MUC22: variants seen among roughly 807,000 people sequenced by gnomAD.
The protein encoded by MUC22 is mucin-22.
MUC22 carries 24 observed loss-of-function variants against 40.3 expected under a neutral mutation model. The ratio of observed to expected loss-of-function variants is 0.60; its 90% CI spans 0.43 to 0.84. MUC22 has a LOEUF of 0.84. Among genes scored for constraint, MUC22 ranks in the 40% least tolerant of loss-of-function variants. The pLI, the probability that MUC22 is intolerant of heterozygous loss-of-function variation, is 0.00. For missense variants in MUC22, 1,926 were observed against 2,130.7 expected (o/e 0.90, Z 1.89); for synonymous variants, 765 against 844.5 (o/e 0.91, Z 1.63).
At chr6:31,015,147 A>T (rs1443719752) in intron 1 of MUC22, among the ~76,000 whole-genome samples, 1 of 152,164 alleles carries the variant, frequency 6.6e-6, no homozygotes, top group Non-Finnish European at 1.5e-5. Context: ...TAAGGCAGAT[A>T]AATATTGTTT....
At chr6:31,030,646 A>G (rs1765996604) in intron 2 of MUC22, among the ~76,000 whole-genome samples, 2 of 151,898 alleles carry the variant, frequency 1.3e-5, no homozygotes, top group Middle Eastern at 3.4e-3. Context: ...CAAGTGCATC[A>G]TATCTGTCAC....
At chr6:31,010,994 C>T (rs1288817264) in intron 1 of MUC22, among the ~76,000 whole-genome samples, 1 of 150,374 alleles carries the variant, frequency 6.7e-6, no homozygotes, top group Non-Finnish European at 1.5e-5. Flanking sequence ...CTGTATTAGT[C>T]TCCCCCAGCT....
At chr6:31,026,536 G>A in exon 2 of MUC22, 2 of 1,500,374 alleles carry the variant, frequency 1.3e-6, no homozygotes, top group East Asian at 2.5e-5. Context: ...GACCACCATG[G>A]TCTCTGCCAT....
At position 31,025,618 on chromosome 6, in the gene MUC22, T is replaced by C. The variant is rs1163906491; in HGVS notation, c.187T>C (p.Ser63Pro). 4 of 1,520,434 alleles carry C rather than the reference T, an allele frequency of 2.6e-6. No homozygotes were observed. The South Asian group carries it at 3.6e-5, about 14-fold the overall frequency. The allele number at this position is 1,520,434 out of a possible 1,614,324, so 94.2% of individuals were successfully genotyped here. A position where few individuals can be genotyped will look rare whatever the true frequency, so the allele number is the denominator to read the frequency against. The stretch of plus-strand genomic sequence containing the variant: ...CTCTACTTCGGCCTTAACTACAGGC[T>C]CTAAGATCACCACAGACTCTACCAC... Residue 63 changes from serine to proline, a missense_variant, in exon 2 of 4, where the codon TCT (serine) becomes CCT (proline). By Grantham distance (74) the Ser-to-Pro change is moderately conservative. Transcript: ENST00000561890.
At chr6:31,019,134 T>C (rs1764485227) in intron 1 of MUC22, among the ~76,000 whole-genome samples, 1 of 152,248 alleles carries the variant, frequency 6.6e-6, no homozygotes, top group African/African-American at 2.4e-5. Flanking sequence ...AAGTCTAATA[T>C]TTCCAACTTC....
Position 31,011,351 on chromosome 6 carries a change from G to A in MUC22, c.70+575G>A, listed in dbSNP as rs546145499. On this transcript the variant is annotated intron_variant, in intron 1 of 3. Transcript: ENST00000561890. The surrounding 1 kb of genome is among the most constrained non-coding windows in gnomAD (Gnocchi z 4.5). ...GTCTTTTATCTCTCGTGCCTCCCCCGTCCTTCCTCCCTAGTGCCCAAAGTC... is the reference window on the plus strand; with the variant it reads ...GTCTTTTATCTCTCGTGCCTCCCCCATCCTTCCTCCCTAGTGCCCAAAGTC... 6.6e-6 allele frequency among the ~76,000 whole-genome samples: 1 copy of A among 151,872 alleles called. No homozygotes were observed. The highest frequency in any genetic ancestry group is 2.1e-4 in the South Asian group (1 of 4,824).
chr6:31,028,413 C>A, exon 2 of MUC22: 1 of 1,531,714 alleles, frequency 6.5e-7, no homozygotes, highest in Admixed American at 2.0e-5. Flanking sequence ...GCTCCGAGAC[C>A]ACCACAGCCT....
chr6:31,030,355 A>C (rs1765964600), intron 2 of MUC22, among the ~76,000 whole-genome samples: 1 of 152,008 alleles, frequency 6.6e-6, no homozygotes, highest in African/African-American at 2.4e-5. Flanking sequence ...GTCTCTACTA[A>C]AAATACAAAA....
At chr6:31,019,351 G>C (rs1764501032) in intron 1 of MUC22, among the ~76,000 whole-genome samples, 1 of 152,184 alleles carries the variant, frequency 6.6e-6, no homozygotes, top group African/African-American at 2.4e-5. Context: ...CCTAGTTCAA[G>C]CAATAATTAC....
At chr6:31,021,112 T>A (rs1206361070) in intron 1 of MUC22, among the ~76,000 whole-genome samples, 2 of 152,250 alleles carry the variant, frequency 1.3e-5, no homozygotes, top group African/African-American at 4.8e-5. Flanking sequence ...TGTGAGCGCA[T>A]GGCGTAGGAC....
chr6:31,022,119 C>T (rs967147931), intron 1 of MUC22, among the ~76,000 whole-genome samples: 20 of 152,154 alleles, frequency 1.3e-4, no homozygotes, highest in South Asian at 8.3e-4. Flanking sequence ...GAAGAAACTC[C>T]GAACACATCT....
intron 1 of MUC22, among the ~76,000 whole-genome samples, chr6:31,022,494 A>G (rs935535223): frequency 1.3e-5 from 2 of 152,134 alleles, no homozygotes; most frequent in Non-Finnish European, 2.9e-5. Context: ...TTCAGGAAGA[A>G]AAAATTTAGA....
At position 31,011,956 on chromosome 6, in the gene MUC22, C is replaced by T. The variant is rs934254563; in HGVS notation, c.70+1180C>T. Among the ~76,000 whole-genome samples, 1 of 152,152 alleles carries T rather than the reference C, an allele frequency of 6.6e-6. No homozygotes were observed. The highest frequency in any genetic ancestry group is 6.5e-5 in the Admixed American group (1 of 15,272). ...CTGGTAGAAACAAACCGGAGTTCGG[C>T]CACTGAGGGGTTGGCTCTGACATTG... is the stretch of plus-strand genomic sequence containing the variant. On this transcript the variant is annotated intron_variant, in intron 1 of 3. Transcript: ENST00000561890. The surrounding 1 kb of genome is among the most constrained non-coding windows in gnomAD (Gnocchi z 4.5).
chr6:31,016,852 A>G (rs1764245703), intron 1 of MUC22, among the ~76,000 whole-genome samples: 1 of 152,206 alleles, frequency 6.6e-6, no homozygotes, highest in Non-Finnish European at 1.5e-5. Flanking sequence ...CACTAGTTCC[A>G]GGTGGGCGTG....
At chr6:31,025,116 G>GCCTTGGCCTCCCAAA (rs1372549500) in intron 1 of MUC22, among the ~76,000 whole-genome samples, 1 of 152,060 alleles carries the variant, frequency 6.6e-6, no homozygotes, top group Non-Finnish European at 1.5e-5. Context: ...TGATCCGCCT[G>GCCTTGGCCTCCCAAA]GGATTACAGG....
chr6:31,023,555 T>C (rs970501173), intron 1 of MUC22, among the ~76,000 whole-genome samples: 2 of 152,016 alleles, frequency 1.3e-5, no homozygotes. Context: ...TAAAAAAGAA[T>C]CAGACCCAAC....
At chr6:31,025,558 A>G in exon 2 of MUC22, 1 of 1,526,810 alleles carries the variant, frequency 6.5e-7, no homozygotes, top group Non-Finnish European at 8.8e-7. Context: ...AGCCTCCATC[A>G]CAGGCTCTGA....
chr6:31,029,235 C>T lies in MUC22; in HGVS notation c.3804C>T (p.Val1268=), dbSNP rs577362717. Residue 1268 remains valine (V), a synonymous_variant, in exon 2 of 4, where the codon GTC becomes GTT. Transcript: ENST00000561890. The stretch of plus-strand genomic sequence containing the variant: ...CCACAGGCTCTGAGACCACCACAGT[C>T]TCTACCACAGGCACTGAGACTACCA... 7 of 1,535,444 alleles carry T rather than the reference C, an allele frequency of 4.6e-6. No homozygotes were observed. In the Admixed American group the frequency reaches 1.2e-4, roughly 26 times the overall value.
At chr6:31,029,443 G>T in exon 2 of MUC22, 1 of 1,534,564 alleles carries the variant, frequency 6.5e-7, no homozygotes, top group Non-Finnish European at 8.7e-7. Flanking sequence ...GACCACCACA[G>T]TCTCCACCTC....
Sources: gnomAD v4.1 joint callset for allele counts (sites outside exome capture counted in the v4.1 genomes callset) on GRCh38, gnomAD v4.1.1 for gene constraint, Gnocchi (gnomAD v3.1) non-coding constraint, MANE v1.5 for transcripts, NCBI Gene and HGNC (gene_info 2026-07-23, HGNC 2026-07-21) for gene names.